Variants in DYNC2I2 observed in about 807,000 individuals in gnomAD.
DYNC2I2 encodes the protein dynein 2 intermediate chain 2.
In DYNC2I2, 39 loss-of-function variants were observed where a neutral mutation model predicts 52.0. The observed-to-expected ratio is 0.75, with a 90% CI of 0.58 to 0.98. DYNC2I2 has a LOEUF of 0.98. Ranked by LOEUF, DYNC2I2 falls within the 50% of genes least tolerant of loss-of-function variation. DYNC2I2 has a pLI of 0.00. For synonymous variants in DYNC2I2, 359 were observed against 321.1 expected (o/e 1.12, Z -1.26); for missense variants, 743 against 728.4 (o/e 1.02, Z -0.23).
chr9:128,659,984 G>A (rs769201334), upstream of DYNC2I2, among the ~76,000 whole-genome samples: 3 of 149,924 alleles, frequency 2.0e-5, no homozygotes, highest in Non-Finnish European at 3.0e-5. Context: ...TGGGAGGATC[G>A]CTTGGGCCTG....
intron 2 of DYNC2I2, among the ~76,000 whole-genome samples, chr9:128,638,294 G>A (rs922432807): frequency 1.1e-4 from 17 of 151,508 alleles, no homozygotes; most frequent in Non-Finnish European, 1.3e-4. Context: ...GGAGGCGGGC[G>A]GATCACAAGG....
At chr9:128,661,025 G>A (rs2132198785), upstream of DYNC2I2, among the ~76,000 whole-genome samples, 1 of 152,154 alleles carries the variant, frequency 6.6e-6, no homozygotes, top group South Asian at 2.1e-4. Flanking sequence ...ACTGCGCCAG[G>A]TCAAAGCTGT....
chr9:128,660,081 C>A (rs1307888912), upstream of DYNC2I2, among the ~76,000 whole-genome samples: 21 of 147,252 alleles, frequency 1.4e-4, no homozygotes, highest in African/African-American at 5.0e-4. Context: ...AAAAAAAAAA[C>A]CCTCAAAACT....
intron 2 of DYNC2I2, among the ~76,000 whole-genome samples, chr9:128,638,048 G>C (rs1860447299): frequency 6.6e-6 from 1 of 151,680 alleles, no homozygotes. Context: ...ACCAGTGTAG[G>C]CAAGATGGTG....
the DYNC2I2 span, among the ~76,000 whole-genome samples, chr9:128,681,039 C>T: frequency 1.3e-5 from 2 of 152,134 alleles, no homozygotes; most frequent in African/African-American, 2.4e-5. Context: ...TTGTCTTTCA[C>T]TCAACATTAT....
At chr9:128,683,429 G>A in the DYNC2I2 span, 1 of 224,090 alleles carries the variant, frequency 4.5e-6, no homozygotes, top group Non-Finnish European at 8.9e-6. Flanking sequence ...GGTTTACTGA[G>A]GAATGTTCCA....
chr9:128,634,559 A>C (rs973598870), intron 7 of DYNC2I2, 130 bp downstream of exon 7: 1 of 1,283,016 alleles, frequency 7.8e-7, no homozygotes, highest in Non-Finnish European at 1.1e-6. Context: ...ACCACCAAAG[A>C]CCTGAACACG....
the DYNC2I2 span, among the ~76,000 whole-genome samples, chr9:128,670,538 C>A: frequency 1.1e-4 from 16 of 150,206 alleles, no homozygotes; most frequent in East Asian, 3.2e-3. Context: ...GAGATCGAGA[C>A]CACCCTGGCC....
chr9:128,634,044 G>GGAGGC, intron 8 of DYNC2I2, 62 bp from the exon 9 acceptor site: 1 of 1,588,054 alleles, frequency 6.3e-7, no homozygotes, highest in Non-Finnish European at 8.6e-7. Flanking sequence ...CATGGCAGGA[G>GGAGGC]GAGGCTAATG....
chr9:128,655,335 T>TAAAAAAAAATAAAAAAAAA, intron 1 of DYNC2I2, among the ~76,000 whole-genome samples: 1 of 18,694 alleles, frequency 5.3e-5, no homozygotes, highest in South Asian at 2.5e-3. Flanking sequence ...CCGTCTCTAC[T>TAAAAAAAAATAAAAAAAAA]AAAAAAAAAA....
chr9:128,671,348 C>A, the DYNC2I2 span, among the ~76,000 whole-genome samples: 1 of 150,116 alleles, frequency 6.7e-6, no homozygotes, highest in Non-Finnish European at 1.5e-5. Flanking sequence ...GTCACCCAGG[C>A]TGCAGTGAAG....
chr9:128,680,587 C>T, the DYNC2I2 span, among the ~76,000 whole-genome samples: 1 of 149,712 alleles, frequency 6.7e-6, no homozygotes, highest in Admixed American at 6.7e-5. Flanking sequence ...CCGTGTTAGC[C>T]TGGATGGTCT....
At chr9:128,676,433 T>C in the DYNC2I2 span, among the ~76,000 whole-genome samples, 1 of 151,950 alleles carries the variant, frequency 6.6e-6, no homozygotes, top group Admixed American at 6.6e-5. Flanking sequence ...GAGGTTGCAG[T>C]GAGCCTAGAT....
the DYNC2I2 span, chr9:128,683,575 T>G: frequency 3.5e-6 from 1 of 283,174 alleles, no homozygotes; most frequent in African/African-American, 2.2e-5. Context: ...CTGCGGGGGT[T>G]TCACGTGAAA....
Position 128,640,801 on chromosome 9 carries a change from C to A in DYNC2I2, c.325G>T (p.Ala109Ser), listed in dbSNP as rs773435636. Residue 109 changes from alanine to serine, a missense_variant, in exon 2 of 9, where the codon GCA becomes TCA. Ala to Ser is a moderately conservative substitution (Grantham distance 99). Coordinates refer to ENST00000372715, the MANE Select transcript of DYNC2I2 (RefSeq NM_052844.4). ...GCCTCCACTCTCCGAAGAAAGGCTG[C>A]GAGCCTGGGTATGTCATACTGGGAC... ...PPSQYDIPRL[A>S]AFLRRVEAMV... 2 of 1,614,186 alleles carry A rather than the reference C, an allele frequency of 1.2e-6. No individual in the cohort carries two copies. The highest frequency in any genetic ancestry group is 1.7e-5 in the Admixed American group (1 of 60,022).
the DYNC2I2 span, among the ~76,000 whole-genome samples, chr9:128,680,704 T>G: frequency 6.6e-6 from 1 of 151,106 alleles, no homozygotes; most frequent in Admixed American, 6.6e-5. Flanking sequence ...AGACAGGGTC[T>G]CACTCCGTCG....
At chr9:128,675,157 C>A in the DYNC2I2 span, among the ~76,000 whole-genome samples, 1 of 152,026 alleles carries the variant, frequency 6.6e-6, no homozygotes, top group Non-Finnish European at 1.5e-5. Flanking sequence ...GCAAGTTATG[C>A]CTTTGAGTCT....
At chr9:128,683,907 A>C in the DYNC2I2 span, 1 of 1,552,220 alleles carries the variant, frequency 6.4e-7, no homozygotes, top group Non-Finnish European at 8.7e-7. Flanking sequence ...TGGCCCCTAA[A>C]CGCCAGTCTC....
At chr9:128,645,758 GA>G (rs1320572191) in intron 1 of DYNC2I2, among the ~76,000 whole-genome samples, 1 of 151,930 alleles carries the variant, frequency 6.6e-6, no homozygotes, top group Non-Finnish European at 1.5e-5. Flanking sequence ...AGGGCATGTT[GA>G]AAGCTGAGAC....
Sources: allele counts gnomAD v4.1 joint callset (sites outside exome capture counted in the v4.1 genomes callset), GRCh38; gene constraint gnomAD v4.1.1; transcripts MANE v1.5; gene names NCBI Gene and HGNC (gene_info 2026-07-23, HGNC 2026-07-21).